The following FAM107B variants were observed in gnomAD, a reference collection of about 807,000 sequenced individuals.
The protein encoded by FAM107B is family with sequence similarity 107 member B, also known as protein FAM107B.
Under a neutral mutation model 31.5 loss-of-function variants are expected in FAM107B, and 21 were observed. The ratio of observed to expected loss-of-function variants is 0.67; its 90% CI spans 0.47 to 0.96. The LOEUF (loss-of-function observed/expected upper bound fraction) is 0.96. Among genes scored for constraint, FAM107B ranks in the 40% least tolerant of loss-of-function variants. The pLI is 0.00. For missense variants in FAM107B, 452 were observed against 377.1 expected, an observed-to-expected ratio of 1.20 and a Z score of -1.64; for synonymous variants, 157 against 141.5, an observed-to-expected ratio of 1.11 and a Z score of -0.78.
chr10:14,579,551 A>T (rs540799909), intron 2 of FAM107B, among the ~76,000 whole-genome samples: 2 of 152,230 alleles, frequency 1.3e-5, no homozygotes, highest in Non-Finnish European at 2.9e-5. Flanking sequence ...GGCTTTATCA[A>T]GCAAAGAAAT....
At chr10:14,568,263 CATTCCCAAGG>C (rs1412282270) in intron 2 of FAM107B, among the ~76,000 whole-genome samples, 2 of 150,630 alleles carry the variant, frequency 1.3e-5, no homozygotes, top group Non-Finnish European at 3.0e-5. Context: ...GGTGCACTCC[CATTCCCAAGG>C]GAGCCAAGGC....
chr10:14,676,319 A>G (rs77754657), intron 1 of FAM107B, among the ~76,000 whole-genome samples: 5,180 of 152,264 alleles, frequency 0.034, 283 homozygotes, highest in African/African-American at 0.12. Context: ...GTGTTGCATT[A>G]CTACTAATAA....
intron 2 of FAM107B, among the ~76,000 whole-genome samples, chr10:14,555,628 G>C (rs1448352390): frequency 6.6e-6 from 1 of 152,080 alleles, no homozygotes; most frequent in Non-Finnish European, 1.5e-5. Flanking sequence ...CAGTGACTTG[G>C]AAAAATTGGG....
At position 14,596,487 on chromosome 10, in the gene FAM107B, T is replaced by C. The variant is rs547361007; in HGVS notation, c.470-65972A>G. 2.0e-5 allele frequency among the ~76,000 whole-genome samples: 3 copies of C among 152,262 alleles called. No individual in the cohort carries two copies. The South Asian group carries it at 6.2e-4, about 32-fold the overall frequency. On this transcript the variant is annotated intron_variant, in intron 2 of 4. Coordinates refer to ENST00000181796, the MANE Select transcript of FAM107B (RefSeq NM_031453.4). ...AATAGTTGCTGAATGAATGAAGAAATGTCATAAAGAACTTGACACCATGCC... is the reference window on the plus strand; with the variant it reads ...AATAGTTGCTGAATGAATGAAGAAACGTCATAAAGAACTTGACACCATGCC...
At chr10:14,672,566 T>G (rs149742095) in intron 1 of FAM107B, among the ~76,000 whole-genome samples, 2 of 152,222 alleles carry the variant, frequency 1.3e-5, no homozygotes, top group Non-Finnish European at 2.9e-5. Flanking sequence ...AGTAAAAAGA[T>G]AGTTTATAAC....
intron 2 of FAM107B, among the ~76,000 whole-genome samples, chr10:14,629,681 T>G (rs1178462809): frequency 6.7e-6 from 1 of 148,712 alleles, no homozygotes; most frequent in South Asian, 2.1e-4. Flanking sequence ...CCCGGCTAAT[T>G]TTTTTGTATT....
At chr10:14,629,516 TA>T (rs1426615683) in intron 2 of FAM107B, among the ~76,000 whole-genome samples, 1 of 116,028 alleles carries the variant, frequency 8.6e-6, no homozygotes, top group Non-Finnish European at 1.7e-5. Flanking sequence ...AATATATATA[TA>T]TATATTTTTT....
Position 14,566,880 on chromosome 10 carries a change from G to A in FAM107B, c.470-36365C>T, listed in dbSNP as rs550981877. On this transcript the variant is annotated intron_variant, in intron 2 of 4. Coordinates refer to ENST00000181796, the MANE Select transcript of FAM107B (RefSeq NM_031453.4). ...TTACATCGGAGGTGGGGCCGGGCGC[G>A]GTGGCTCACGCCTGTAATCCCAGCA... Among the ~76,000 whole-genome samples the A allele has an allele frequency of 9.2e-5, 14 of 152,306 alleles. No homozygotes were observed. In the East Asian group the frequency reaches 1.4e-3, roughly 15 times the overall value.
chr10:14,597,097 A>C (rs1357699438), intron 2 of FAM107B, among the ~76,000 whole-genome samples: 1 of 152,244 alleles, frequency 6.6e-6, no homozygotes, highest in Non-Finnish European at 1.5e-5. Context: ...AATGAAAAAG[A>C]ACCCTGACCA....
At chr10:14,694,101 C>A (rs987227410) in intron 1 of FAM107B, among the ~76,000 whole-genome samples, 6 of 152,162 alleles carry the variant, frequency 3.9e-5, no homozygotes, top group African/African-American at 1.2e-4. Flanking sequence ...ACCACAGTTT[C>A]TTTATCCATT....
chr10:14,605,014 G>A (rs1186859530), intron 2 of FAM107B, among the ~76,000 whole-genome samples: 1 of 152,000 alleles, frequency 6.6e-6, no homozygotes, highest in African/African-American at 2.4e-5. Context: ...CCGTCTCCCC[G>A]GCAAGTCTGC....
intron 1 of FAM107B, among the ~76,000 whole-genome samples, chr10:14,728,281 C>G (rs923021646): frequency 1.3e-5 from 2 of 151,836 alleles, no homozygotes; most frequent in Non-Finnish European, 2.9e-5. Flanking sequence ...GAAAAATAGC[C>G]AGCAACGATC....
At chr10:14,691,848 C>T (rs1243098790) in intron 1 of FAM107B, among the ~76,000 whole-genome samples, 2 of 147,592 alleles carry the variant, frequency 1.4e-5, no homozygotes, top group South Asian at 2.2e-4. Flanking sequence ...GAGCTGAGAT[C>T]GTGCCACTGC....
At chr10:14,523,867 C>CTT (rs1169705257) in intron 3 of FAM107B, among the ~76,000 whole-genome samples, 57 of 138,616 alleles carry the variant, frequency 4.1e-4, no homozygotes, top group African/African-American at 1.3e-3. Context: ...TATATTCCAT[C>CTT]TTTTTTTTTT....
At chr10:14,723,477 G>C in intron 1 of FAM107B, 1 of 571,862 alleles carries the variant, frequency 1.7e-6, no homozygotes. Context: ...CCTGTCACGG[G>C]TGTTTACAGG....
At chr10:14,554,513 A>G (rs948684058) in intron 2 of FAM107B, among the ~76,000 whole-genome samples, 4 of 152,188 alleles carry the variant, frequency 2.6e-5, no homozygotes, top group Admixed American at 2.0e-4. Context: ...GAGAGGGATG[A>G]AGGCTGGTAC....
intron 1 of FAM107B, among the ~76,000 whole-genome samples, chr10:14,710,181 G>T (rs1855608779): frequency 6.6e-6 from 1 of 152,008 alleles, no homozygotes; most frequent in Non-Finnish European, 1.5e-5. Context: ...AGGTAGGTAG[G>T]AACTCTCTAC....
At chr10:14,680,035 A>T (rs186945851) in intron 1 of FAM107B, among the ~76,000 whole-genome samples, 1 of 152,290 alleles carries the variant, frequency 6.6e-6, no homozygotes, top group East Asian at 1.9e-4. Flanking sequence ...ATACTCCTTA[A>T]TAAACTCCCC....
intron 1 of FAM107B, among the ~76,000 whole-genome samples, chr10:14,693,790 C>T (rs1020850856): frequency 2.0e-5 from 3 of 152,160 alleles, no homozygotes; most frequent in African/African-American, 7.2e-5. Flanking sequence ...CTGGGAACCA[C>T]TGTTTTATTC....
Sources: allele counts gnomAD v4.1 joint callset (sites outside exome capture counted in the v4.1 genomes callset), GRCh38; gene constraint gnomAD v4.1.1; transcripts MANE v1.5; gene names NCBI Gene and HGNC (gene_info 2026-07-23, HGNC 2026-07-21).